The following APPL2 variants were observed in gnomAD, a reference collection of about 807,000 sequenced individuals.
APPL2 encodes the protein DCC-interacting protein 13-beta.
In APPL2, 84 loss-of-function variants were observed where a neutral mutation model predicts 92.7. That is an observed-to-expected ratio of 0.91 (90% CI 0.76 to 1.09). The LOEUF is 1.09. Among genes scored for constraint, APPL2 ranks in the 50% least tolerant of loss-of-function variants. APPL2 has a pLI of 0.00. For synonymous variants in APPL2, 291 were observed against 291.0 expected, an observed-to-expected ratio of 1.00 and a Z score of 0.00; for missense variants, 736 against 824.5, an observed-to-expected ratio of 0.89 and a Z score of 1.31.
At chr12:105,175,292 T>C (rs938718319) in intron 20 of APPL2, among the ~76,000 whole-genome samples, 1 of 152,228 alleles carries the variant, frequency 6.6e-6, no homozygotes, top group Non-Finnish European at 1.5e-5. Flanking sequence ...TACCATTAAA[T>C]ACTAGCTTAC....
At chr12:105,178,437 T>C (rs377130970) in intron 17 of APPL2, among the ~76,000 whole-genome samples, 1 of 152,098 alleles carries the variant, frequency 6.6e-6, no homozygotes, top group African/African-American at 2.4e-5. Context: ...GTGATGAAAA[T>C]GTTGTAAAAT....
intron 17 of APPL2, among the ~76,000 whole-genome samples, chr12:105,185,396 C>T (rs1277597123): frequency 6.6e-6 from 1 of 152,092 alleles, no homozygotes; most frequent in Non-Finnish European, 1.5e-5. Context: ...TGTAGGCACT[C>T]GATGGAATCT....
At chr12:105,175,337 T>A (rs1320069496) in intron 20 of APPL2, among the ~76,000 whole-genome samples, 1 of 152,302 alleles carries the variant, frequency 6.6e-6, no homozygotes, top group African/African-American at 2.4e-5. Flanking sequence ...GTGGCCTTAG[T>A]CCTTGGTCTT....
intron 1 of APPL2, chr12:105,233,105 A>G (rs1272049486): frequency 1.0e-6 from 1 of 985,364 alleles, no homozygotes; most frequent in Non-Finnish European, 1.2e-6. Context: ...CAAGAGAATA[A>G]GCCCCTGAAG....
At chr12:105,183,752 G>C (rs147110048) in intron 17 of APPL2, among the ~76,000 whole-genome samples, 1 of 152,076 alleles carries the variant, frequency 6.6e-6, no homozygotes, top group Non-Finnish European at 1.5e-5. Context: ...TGCTCTTCTC[G>C]AGGAGTATCT....
At chr12:105,181,351 A>G (rs1393081706) in intron 17 of APPL2, among the ~76,000 whole-genome samples, 2 of 152,136 alleles carry the variant, frequency 1.3e-5, no homozygotes, top group African/African-American at 4.8e-5. Context: ...GTGCTGCTGG[A>G]TTCAGTTTGC....
At chr12:105,204,917 G>A (rs986727920) in intron 8 of APPL2, among the ~76,000 whole-genome samples, 8 of 152,134 alleles carry the variant, frequency 5.3e-5, no homozygotes, top group Non-Finnish European at 4.4e-5. Flanking sequence ...TCACTGTTCC[G>A]TTCTCAAAAA....
intron 17 of APPL2, among the ~76,000 whole-genome samples, chr12:105,185,186 T>C (rs1342463193): frequency 6.6e-6 from 1 of 152,138 alleles, no homozygotes; most frequent in Non-Finnish European, 1.5e-5. Context: ...GATCTCAGTG[T>C]GTTGGGCTCC....
chr12:105,176,334 G>A (rs2135876244), intron 19 of APPL2: 1 of 541,976 alleles, frequency 1.8e-6, no homozygotes, highest in Non-Finnish European at 3.2e-6. Context: ...AGTGTTAAAA[G>A]TTCTTAATAG....
chr12:105,195,509 G>A lies in APPL2; in HGVS notation c.1096-8C>T, dbSNP rs756793583. On this transcript the variant is annotated splice_region_variant and splice_polypyrimidine_tract_variant and intron_variant, in intron 12 of 20. Coordinates refer to ENST00000258530, the MANE Select transcript of APPL2 (RefSeq NM_018171.5). ...GTTTATTGCACATATCCACTGTAGA[G>A]GACATTAAAAAAGAACACTGAATCC... 6 of 1,613,980 alleles carry A rather than the reference G, an allele frequency of 3.7e-6. No homozygotes were observed. The South Asian group carries it at 6.6e-5, about 18-fold the overall frequency.
chr12:105,220,544 C>T (rs1890019886), intron 2 of APPL2, among the ~76,000 whole-genome samples: 1 of 152,172 alleles, frequency 6.6e-6, no homozygotes, highest in African/African-American at 2.4e-5. Flanking sequence ...TTCTACTCTT[C>T]TAATTCATTC....
chr12:105,199,619 G>T, intron 9 of APPL2, 88 bp from the exon 10 acceptor site: 1 of 1,431,186 alleles, frequency 7.0e-7, no homozygotes, highest in Non-Finnish European at 9.5e-7. Context: ...CTCCACCCCC[G>T]CAAAGCTTCC....
chr12:105,197,674 G>T, intron 11 of APPL2, 91 bp downstream of exon 11: 1 of 1,501,108 alleles, frequency 6.7e-7, no homozygotes, highest in South Asian at 1.2e-5. Context: ...CTCCCACAGA[G>T]GGCTGGCACA....
At chr12:105,184,554 ACT>A (rs903826264) in intron 17 of APPL2, among the ~76,000 whole-genome samples, 4 of 151,828 alleles carry the variant, frequency 2.6e-5, no homozygotes, top group African/African-American at 4.8e-5. Context: ...TACACTCCGG[ACT>A]CTCTTTGCCT....
chr12:105,224,894 C>T (rs2136075405), intron 2 of APPL2, among the ~76,000 whole-genome samples: 2 of 152,088 alleles, frequency 1.3e-5, no homozygotes, highest in East Asian at 3.9e-4. Flanking sequence ...CTTTATATAC[C>T]AAATTATGCA....
chr12:105,219,079 G>A (rs1355446961), intron 2 of APPL2, among the ~76,000 whole-genome samples: 1 of 152,230 alleles, frequency 6.6e-6, no homozygotes, highest in Non-Finnish European at 1.5e-5. Flanking sequence ...GTCTGACATG[G>A]CACAGATGAT....
intron 8 of APPL2, among the ~76,000 whole-genome samples, chr12:105,204,641 A>G (rs1162939752): frequency 6.6e-6 from 1 of 152,198 alleles, no homozygotes; most frequent in Non-Finnish European, 1.5e-5. Flanking sequence ...AGTATTAATC[A>G]TTTAATATCA....
Position 105,195,428 on chromosome 12 carries a change from C to T in APPL2, c.1152+17G>A, listed in dbSNP as rs760736623. The T allele has an allele frequency of 2.9e-5, 47 of 1,613,986 alleles. No homozygotes were observed. Among genetic ancestry groups the T allele is most frequent in the East Asian group, 6.7e-5 (3 of 44,896 alleles). On this transcript the variant is annotated intron_variant, in intron 13 of 20. Coordinates refer to ENST00000258530, the MANE Select transcript of APPL2 (RefSeq NM_018171.5). Reference sequence around the variant, plus strand: ...CAGGTTGAGAAAAGGGCTGAGATGCCGGTGGCTGATAATTACCTCAGGGTT... The same window carrying T: ...CAGGTTGAGAAAAGGGCTGAGATGCTGGTGGCTGATAATTACCTCAGGGTT...
chr12:105,232,104 G>C (rs1285819366), intron 1 of APPL2, among the ~76,000 whole-genome samples: 1 of 152,204 alleles, frequency 6.6e-6, no homozygotes, highest in East Asian at 1.9e-4. Flanking sequence ...CTTTACATAT[G>C]TTACTTGTTC....
Sources: allele counts gnomAD v4.1 joint callset (sites outside exome capture counted in the v4.1 genomes callset), GRCh38; gene constraint gnomAD v4.1.1; transcripts MANE v1.5; gene names NCBI Gene and HGNC (gene_info 2026-07-23, HGNC 2026-07-21).